Variants in SAMD12 observed in about 807,000 individuals in gnomAD.
SAMD12 encodes sterile alpha motif domain-containing protein 12.
SAMD12 carries 9 observed loss-of-function variants against 15.0 expected under a neutral mutation model. The observed-to-expected ratio is 0.60, with a 90% CI of 0.36 to 1.05. SAMD12 has a LOEUF of 1.05. Among genes scored for constraint, SAMD12 ranks in the 50% least tolerant of loss-of-function variants. The probability of loss-of-function intolerance (pLI) is 0.01; values close to 1 mark genes in which losing one functional copy is unlikely to be tolerated. For synonymous variants in SAMD12, 86 were observed against 90.1 expected (o/e 0.96, Z 0.25); for missense variants, 230 against 234.2 (o/e 0.98, Z 0.12).
At chr8:118,483,613 C>A (rs548291041) in intron 2 of SAMD12, among the ~76,000 whole-genome samples, 2 of 152,220 alleles carry the variant, frequency 1.3e-5, no homozygotes, top group East Asian at 3.9e-4. Flanking sequence ...ATATAGATCA[C>A]TACTATTAAC....
At chr8:118,253,607 T>C (rs2130026136) in intron 4 of SAMD12, among the ~76,000 whole-genome samples, 1 of 152,306 alleles carries the variant, frequency 6.6e-6, no homozygotes, top group African/African-American at 2.4e-5. Flanking sequence ...GTGTTCCTGA[T>C]GTTGCTGCTG....
At chr8:118,387,421 G>A (rs1161617398) in intron 3 of SAMD12, among the ~76,000 whole-genome samples, 3 of 151,648 alleles carry the variant, frequency 2.0e-5, no homozygotes, top group South Asian at 4.2e-4. Flanking sequence ...ACTGTTCCTT[G>A]ATTGGCCACC....
At chr8:118,435,692 T>C (rs935929106) in intron 3 of SAMD12, among the ~76,000 whole-genome samples, 2 of 152,254 alleles carry the variant, frequency 1.3e-5, no homozygotes, top group African/African-American at 2.4e-5. Context: ...AATGTTCATA[T>C]AGTAGAACTC....
chr8:118,294,364 T>C (rs1814593360), intron 4 of SAMD12, among the ~76,000 whole-genome samples: 2 of 152,198 alleles, frequency 1.3e-5, no homozygotes, highest in Non-Finnish European at 1.5e-5. Context: ...ATGATCAATT[T>C]AGGCATGCGG....
the SAMD12 span, among the ~76,000 whole-genome samples, chr8:118,155,894 C>G: frequency 6.6e-6 from 1 of 152,308 alleles, no homozygotes; most frequent in East Asian, 1.9e-4. Flanking sequence ...TCATTCTTTA[C>G]TTAATCCACC....
chr8:118,232,867 C>A (rs958433206), intron 4 of SAMD12, among the ~76,000 whole-genome samples: 8 of 152,094 alleles, frequency 5.3e-5, no homozygotes, highest in Non-Finnish European at 1.2e-4. Context: ...GTGGGACCAC[C>A]AGCTTTGGCA....
chr8:118,304,529 C>T (rs1211653096), intron 4 of SAMD12, among the ~76,000 whole-genome samples: 2 of 151,700 alleles, frequency 1.3e-5, no homozygotes, highest in African/African-American at 4.8e-5. Context: ...GGAGGCTGAG[C>T]CGGGTGGATC....
chr8:118,567,361 A>C (rs913710314), intron 2 of SAMD12, among the ~76,000 whole-genome samples: 2 of 152,094 alleles, frequency 1.3e-5, no homozygotes, highest in Non-Finnish European at 2.9e-5. Flanking sequence ...CCTGTCATCC[A>C]TGTGTTCTAG....
At chr8:118,377,134 C>T (rs1219320275), downstream of SAMD12, among the ~76,000 whole-genome samples, 2 of 152,068 alleles carry the variant, frequency 1.3e-5, no homozygotes, top group African/African-American at 2.4e-5. Context: ...AACCGGCTCA[C>T]GCCTGTAATC....
chr8:118,557,883 T>C (rs1247271892), intron 2 of SAMD12, among the ~76,000 whole-genome samples: 1 of 152,186 alleles, frequency 6.6e-6, no homozygotes, highest in Non-Finnish European at 1.5e-5. Context: ...AGCATAAATA[T>C]AATGTTTCAT....
At chr8:118,576,140 T>C (rs961237004) in intron 2 of SAMD12, among the ~76,000 whole-genome samples, 3 of 152,200 alleles carry the variant, frequency 2.0e-5, no homozygotes, top group African/African-American at 4.8e-5. Flanking sequence ...CACTGTCTAA[T>C]AGGACTTTCT....
At chr8:118,489,491 A>G (rs1346068536) in intron 2 of SAMD12, among the ~76,000 whole-genome samples, 1 of 152,190 alleles carries the variant, frequency 6.6e-6, no homozygotes, top group African/African-American at 2.4e-5. Flanking sequence ...CAAGAATTTC[A>G]GCCTCTAGCC....
At chr8:118,311,979 C>T (rs572607744) in intron 4 of SAMD12, among the ~76,000 whole-genome samples, 11 of 152,212 alleles carry the variant, frequency 7.2e-5, no homozygotes, top group African/African-American at 2.4e-4. Flanking sequence ...TTCAGTGTTC[C>T]GTCTTTACTA....
intron 2 of SAMD12, among the ~76,000 whole-genome samples, chr8:118,555,645 A>G (rs1826508938): frequency 6.6e-6 from 1 of 152,222 alleles, no homozygotes; most frequent in Admixed American, 6.5e-5. Flanking sequence ...TAAAATTTAA[A>G]TAAGAGGTCT....
At chr8:118,265,663 A>C (rs1392883559) in intron 4 of SAMD12, among the ~76,000 whole-genome samples, 1 of 151,850 alleles carries the variant, frequency 6.6e-6, no homozygotes, top group African/African-American at 2.4e-5. Flanking sequence ...TTCAACACTA[A>C]TTTAGAATCT....
At chr8:118,357,632 T>C (rs1025706852) in intron 4 of SAMD12, among the ~76,000 whole-genome samples, 17 of 152,208 alleles carry the variant, frequency 1.1e-4, no homozygotes, top group African/African-American at 3.4e-4. Context: ...AATCTATACA[T>C]GGATATCACA....
intron 4 of SAMD12, among the ~76,000 whole-genome samples, chr8:118,208,967 C>T (rs111927376): frequency 4.6e-4 from 70 of 152,242 alleles, no homozygotes; most frequent in African/African-American, 1.6e-3. Flanking sequence ...ACTCTATATA[C>T]AAAATAGTAA....
intron 2 of SAMD12, among the ~76,000 whole-genome samples, chr8:118,559,180 C>A (rs1826638046): frequency 6.6e-6 from 1 of 152,198 alleles, no homozygotes; most frequent in South Asian, 2.1e-4. Context: ...AAGACAGGTA[C>A]ATGAACTCAA....
intron 4 of SAMD12, among the ~76,000 whole-genome samples, chr8:118,320,811 T>C (rs905482691): frequency 1.4e-5 from 2 of 144,080 alleles, no homozygotes; most frequent in African/African-American, 5.2e-5. Context: ...GAACTTAAAG[T>C]ATAATAAAAA....
Sources: allele counts gnomAD v4.1 joint callset (sites outside exome capture counted in the v4.1 genomes callset), GRCh38; gene constraint gnomAD v4.1.1; transcripts MANE v1.5; gene names NCBI Gene and HGNC (gene_info 2026-07-23, HGNC 2026-07-21).